TRMT11: variants seen among roughly 807,000 people sequenced by gnomAD.
TRMT11 encodes the protein tRNA (guanine(10)-N(2))-methyltransferase TRMT11.
In TRMT11, 53 loss-of-function variants were observed where a neutral mutation model predicts 62.8. That is an observed-to-expected ratio of 0.84 (90% CI 0.68 to 1.06). TRMT11 has a LOEUF of 1.06. TRMT11 is among the 50% of genes least tolerant of loss of function. The pLI, the probability that TRMT11 is intolerant of heterozygous loss-of-function variation, is 0.00. For synonymous variants in TRMT11, 188 were observed against 190.3 expected (o/e 0.99, Z 0.10); for missense variants, 556 against 553.4 (o/e 1.00, Z -0.05).
At chr6:126,090,538 C>T (rs372498102) in intron 17 of TRMT11, among the ~76,000 whole-genome samples, 71 of 152,184 alleles carry the variant, frequency 4.7e-4, no homozygotes, top group African/African-American at 1.7e-3. Context: ...TCTCTGGAAG[C>T]AATTAGTTGA....
At chr6:125,992,116 A>T (rs1031915259) in intron 1 of TRMT11, among the ~76,000 whole-genome samples, 1 of 152,226 alleles carries the variant, frequency 6.6e-6, no homozygotes, top group Non-Finnish European at 1.5e-5. Context: ...AAGTAGATTG[A>T]TGAAGTGGTT....
intron 21 of TRMT11, among the ~76,000 whole-genome samples, chr6:126,146,518 AT>A (rs71706557): frequency 0.019 from 2,669 of 143,436 alleles, 59 homozygotes; most frequent in African/African-American, 0.053. Context: ...ACTAAATGAA[AT>A]TTTTTTTTTT....
intron 21 of TRMT11, among the ~76,000 whole-genome samples, chr6:126,152,482 A>C (rs937986907): frequency 1.3e-5 from 2 of 152,186 alleles, no homozygotes; most frequent in Middle Eastern, 3.2e-3. Flanking sequence ...TGTGGAATCC[A>C]AGGATTATTA....
intron 12 of TRMT11, among the ~76,000 whole-genome samples, chr6:126,033,284 G>A (rs1395830272): frequency 6.6e-6 from 1 of 152,112 alleles, no homozygotes; most frequent in Non-Finnish European, 1.5e-5. Flanking sequence ...AGGGTCATGA[G>A]TTGTGTTTAA....
At chr6:126,109,845 A>G (rs932644357) in intron 17 of TRMT11, among the ~76,000 whole-genome samples, 3 of 152,208 alleles carry the variant, frequency 2.0e-5, no homozygotes, top group Admixed American at 6.5e-5. Flanking sequence ...GTCTTGGGAC[A>G]TTAAGCAGAC....
At chr6:126,251,869 C>T in the TRMT11 span, among the ~76,000 whole-genome samples, 1 of 152,142 alleles carries the variant, frequency 6.6e-6, no homozygotes, top group Non-Finnish European at 1.5e-5. Flanking sequence ...TAGTATCTTG[C>T]CCAGTGCCTC....
At chr6:126,152,339 G>C (rs1302414174) in intron 21 of TRMT11, among the ~76,000 whole-genome samples, 2 of 151,586 alleles carry the variant, frequency 1.3e-5, no homozygotes, top group Non-Finnish European at 2.9e-5. Context: ...AGAAAAACAT[G>C]TGTGTTGAAG....
intron 1 of TRMT11, among the ~76,000 whole-genome samples, chr6:126,189,078 C>T (rs563260469): frequency 9.8e-4 from 149 of 152,094 alleles, no homozygotes; most frequent in Admixed American, 2.3e-3. Context: ...ATTTCTGTCA[C>T]AGACTGAAAG....
At chr6:126,193,555 C>T (rs1267482606) in intron 1 of TRMT11, among the ~76,000 whole-genome samples, 1 of 136,704 alleles carries the variant, frequency 7.3e-6, no homozygotes, top group African/African-American at 2.9e-5. Flanking sequence ...GGAGTGCAGG[C>T]AATCCTGGCT....
chr6:126,071,044 G>A (rs1461825088), intron 17 of TRMT11, among the ~76,000 whole-genome samples: 1 of 152,148 alleles, frequency 6.6e-6, no homozygotes, highest in Non-Finnish European at 1.5e-5. Flanking sequence ...AGAACATGTG[G>A]AAGAAGGGAG....
At chr6:126,207,912 A>G (rs774330973), downstream of TRMT11, among the ~76,000 whole-genome samples, 4 of 152,246 alleles carry the variant, frequency 2.6e-5, no homozygotes, top group Non-Finnish European at 5.9e-5. Context: ...ATAGAAAAAT[A>G]AATCTGCCTG....
At chr6:126,151,874 C>CTTTGTTTCTTTCTTTCTTTCTTTCTT (rs1459413861) in intron 21 of TRMT11, among the ~76,000 whole-genome samples, 1 of 79,654 alleles carries the variant, frequency 1.3e-5, no homozygotes, top group African/African-American at 5.8e-5. Flanking sequence ...TTCCTTCTTT[C>CTTTGTTTCTTTCTTTCTTTCTTTCTT]TCCTTCCTTC....
intron 21 of TRMT11, among the ~76,000 whole-genome samples, chr6:126,152,596 T>G (rs1261966395): frequency 6.6e-6 from 1 of 152,144 alleles, no homozygotes; most frequent in Non-Finnish European, 1.5e-5. Context: ...AGATTACAAC[T>G]AATACAGAGA....
At chr6:126,108,910 G>A (rs1370073847) in intron 17 of TRMT11, among the ~76,000 whole-genome samples, 1 of 152,090 alleles carries the variant, frequency 6.6e-6, no homozygotes, top group Admixed American at 6.6e-5. Flanking sequence ...CTACTATATG[G>A]AATTAATCGT....
intron 11 of TRMT11, among the ~76,000 whole-genome samples, chr6:126,014,504 C>T (rs1794700807): frequency 4.6e-5 from 7 of 152,232 alleles, no homozygotes; most frequent in Admixed American, 4.6e-4. Context: ...CCACCTCAGC[C>T]TCCCAAAGTG....
intron 7 of TRMT11, among the ~76,000 whole-genome samples, chr6:126,000,814 T>G (rs1792343667): frequency 6.6e-6 from 1 of 152,290 alleles, no homozygotes; most frequent in East Asian, 1.9e-4. Context: ...TCACCTACCC[T>G]CAGCATACTC....
intron 21 of TRMT11, among the ~76,000 whole-genome samples, chr6:126,151,574 C>T (rs761555099): frequency 6.6e-6 from 1 of 152,212 alleles, no homozygotes; most frequent in Non-Finnish European, 1.5e-5. Flanking sequence ...TTAGGTCAGA[C>T]CTGAGCACCG....
At chr6:126,111,309 A>T (rs1350033917) in intron 17 of TRMT11, among the ~76,000 whole-genome samples, 1 of 152,096 alleles carries the variant, frequency 6.6e-6, no homozygotes, top group Non-Finnish European at 1.5e-5. Flanking sequence ...AACTGAGGGG[A>T]TTATTTTTAA....
chr6:126,227,164 T>A, the TRMT11 span, among the ~76,000 whole-genome samples: 1 of 152,230 alleles, frequency 6.6e-6, no homozygotes, highest in South Asian at 2.1e-4. Flanking sequence ...TTATTTATCC[T>A]TATGTAAATG....
Sources: gnomAD v4.1 joint callset for allele counts (sites outside exome capture counted in the v4.1 genomes callset) on GRCh38, gnomAD v4.1.1 for gene constraint, MANE v1.5 for transcripts, NCBI Gene and HGNC (gene_info 2026-07-23, HGNC 2026-07-21) for gene names.